ACSS3: variants seen among roughly 807,000 people sequenced by gnomAD.
ACSS3 encodes the protein acyl-CoA synthetase short chain family member 3.
A neutral mutation model predicts 84.2 loss-of-function variants in ACSS3; 64 were observed. That is an observed-to-expected ratio of 0.76 (90% CI 0.62 to 0.94). The LOEUF is 0.94. Ranked by LOEUF, ACSS3 falls within the 40% of genes least tolerant of loss-of-function variation. ACSS3 has a pLI of 0.00. For synonymous variants in ACSS3, 317 were observed against 310.1 expected (o/e 1.02, Z -0.23); for missense variants, 815 against 867.6 (o/e 0.94, Z 0.76).
chr12:81,143,442 C>A, intron 5 of ACSS3, 195 bp downstream of exon 5: 1 of 405,414 alleles, frequency 2.5e-6, no homozygotes, highest in Non-Finnish European at 4.2e-6. Flanking sequence ...TACTCCATAT[C>A]TTAAAGAGAT....
rs1160143693 is a variant in ACSS3 at position 81,219,001 on chromosome 12, AATTTAATATAACAC to A, written c.1451-1006_1451-993del. ...AATCCTTTTTGTCTAAAAAACAATT[AATTTAATATAACAC>A]ATTTATTGAGTACCTTATGCAAACT... On this transcript the variant is annotated intron_variant, in intron 10 of 15. Transcript: ENST00000548058. Among the ~76,000 whole-genome samples the A allele has an allele frequency of 7.2e-5, 11 of 152,288 alleles. No individual in the cohort carries two copies. In the East Asian group the frequency reaches 2.1e-3, roughly 29 times the overall value.
intron 11 of ACSS3, among the ~76,000 whole-genome samples, chr12:81,227,056 T>G (rs1475378354): frequency 6.6e-6 from 1 of 151,244 alleles, no homozygotes; most frequent in East Asian, 2.0e-4. Flanking sequence ...AATTAGCTCA[T>G]GCAGTTGTGA....
chr12:81,084,754 G>A (rs1391976427), intron 1 of ACSS3, among the ~76,000 whole-genome samples: 3 of 152,212 alleles, frequency 2.0e-5, no homozygotes, highest in Non-Finnish European at 2.9e-5. Flanking sequence ...GCATTGTAAA[G>A]GAGAGAAAAG....
chr12:81,169,005 A>G (rs1887531697), intron 7 of ACSS3, among the ~76,000 whole-genome samples: 1 of 152,182 alleles, frequency 6.6e-6, no homozygotes, highest in African/African-American at 2.4e-5. Context: ...CTAAAACACA[A>G]CAGTGCTCAG....
At chr12:81,219,329 C>A (rs1044095180) in intron 10 of ACSS3, among the ~76,000 whole-genome samples, 18 of 152,104 alleles carry the variant, frequency 1.2e-4, no homozygotes, top group Non-Finnish European at 2.5e-4. Flanking sequence ...TTTCTGAGAG[C>A]AACAACCTTC....
intron 13 of ACSS3, among the ~76,000 whole-genome samples, chr12:81,243,935 T>C (rs1593237406): frequency 6.6e-6 from 1 of 152,186 alleles, no homozygotes; most frequent in Non-Finnish European, 1.5e-5. Flanking sequence ...CTGATGCTCT[T>C]CCTTTATTTT....
chr12:81,175,335 T>C (rs1274955644), intron 8 of ACSS3, among the ~76,000 whole-genome samples: 1 of 152,062 alleles, frequency 6.6e-6, no homozygotes, highest in African/African-American at 2.4e-5. Flanking sequence ...TGTATACAGA[T>C]AAAATGTGAA....
intron 13 of ACSS3, among the ~76,000 whole-genome samples, chr12:81,251,133 AG>A (rs1371493892): frequency 6.6e-6 from 1 of 152,154 alleles, no homozygotes; most frequent in African/African-American, 2.4e-5. Context: ...TAATCTGAAA[AG>A]GCTACATACT....
chr12:81,115,400 T>A (rs2121521912), intron 2 of ACSS3, among the ~76,000 whole-genome samples: 1 of 152,294 alleles, frequency 6.6e-6, no homozygotes, highest in Non-Finnish European at 1.5e-5. Flanking sequence ...ATTTAATTTT[T>A]TTTTCCCTGA....
intron 1 of ACSS3, among the ~76,000 whole-genome samples, chr12:81,079,137 T>C (rs149658764): frequency 6.6e-6 from 1 of 152,264 alleles, no homozygotes; most frequent in Non-Finnish European, 1.5e-5. Context: ...CAGATAGATA[T>C]AGGCCAGGTG....
intron 9 of ACSS3, among the ~76,000 whole-genome samples, chr12:81,203,136 T>C (rs928810498): frequency 3.9e-5 from 6 of 152,104 alleles, no homozygotes; most frequent in Non-Finnish European, 8.8e-5. Context: ...GGGCCACTTA[T>C]ATAAGTTCTG....
rs2032742137 is a variant in ACSS3, at chr12:81,213,831, CTCTTCTCTT to C, written c.1355-3069_1355-3061del. Among the ~76,000 whole-genome samples the C allele has an allele frequency of 5.4e-5, 5 of 92,300 alleles. 1 individual carries two copies. The highest frequency in any genetic ancestry group is 1.9e-4 in the African/African-American group (5 of 26,054). 60.6% of individuals were successfully genotyped at this position (92,300 alleles called of 152,430 possible). A position where few individuals can be genotyped will look rare whatever the true frequency, so the allele number is the denominator to read the frequency against. On this transcript the variant is annotated intron_variant, in intron 9 of 15. Transcript: ENST00000548058. ...CTCTTCTCTTCTCTTCTCTTCTCTT[CTCTTCTCTT>C]CTCTCCTCTCCTCTCTTCTCTTCCT...
At chr12:81,135,285 TATATATATTATA>T (rs1176402106) in intron 3 of ACSS3, among the ~76,000 whole-genome samples, 2 of 133,498 alleles carry the variant, frequency 1.5e-5, no homozygotes, top group Non-Finnish European at 3.0e-5. Flanking sequence ...TATAATATAT[TATATATATTATA>T]ATATATATTA....
chr12:81,240,566 A>T (rs2033764497), intron 13 of ACSS3, among the ~76,000 whole-genome samples: 1 of 152,038 alleles, frequency 6.6e-6, no homozygotes, highest in African/African-American at 2.4e-5. Flanking sequence ...AACTGAATTA[A>T]CATTTACCAG....
chr12:81,165,726 A>G (rs1887371776), intron 7 of ACSS3, among the ~76,000 whole-genome samples: 1 of 152,236 alleles, frequency 6.6e-6, no homozygotes, highest in African/African-American at 2.4e-5. Flanking sequence ...TACACTGTGT[A>G]GAAGATGACA....
chr12:81,234,745 C>T (rs1021056718), intron 13 of ACSS3, among the ~76,000 whole-genome samples: 49 of 151,188 alleles, frequency 3.2e-4, no homozygotes, highest in African/African-American at 1.2e-3. Flanking sequence ...TTAAATTGGA[C>T]TGTTTCTTTT....
intron 5 of ACSS3, chr12:81,143,452 T>C (rs1886188369): frequency 5.1e-6 from 2 of 394,352 alleles, no homozygotes; most frequent in African/African-American, 4.1e-5. Flanking sequence ...CTTAAAGAGA[T>C]TTTGTGTTTA....
At chr12:81,132,543 C>T (rs1032217113) in intron 2 of ACSS3, among the ~76,000 whole-genome samples, 3 of 151,938 alleles carry the variant, frequency 2.0e-5, no homozygotes, top group Non-Finnish European at 2.9e-5. Flanking sequence ...GTCTTGCTAG[C>T]AGTCTATCTA....
intron 9 of ACSS3, among the ~76,000 whole-genome samples, chr12:81,213,818 C>CTTCTCTTCTCTT (rs1565723773): frequency 2.9e-5 from 2 of 70,084 alleles, no homozygotes; most frequent in African/African-American, 8.9e-5. Context: ...CTTCTCTTCT[C>CTTCTCTTCTCTT]TTCTCTTCTC....
Sources: allele counts gnomAD v4.1 joint callset (sites outside exome capture counted in the v4.1 genomes callset), GRCh38; gene constraint gnomAD v4.1.1; transcripts MANE v1.5; gene names NCBI Gene and HGNC (gene_info 2026-07-23, HGNC 2026-07-21).